YAP1: variants seen among roughly 807,000 people sequenced by gnomAD.
The protein encoded by YAP1 is Yes1 associated transcriptional regulator.
Under a neutral mutation model 56.9 loss-of-function variants are expected in YAP1, and 5 were observed. The ratio of observed to expected loss-of-function variants is 0.09; its 90% confidence interval spans 0.05 to 0.18. The LOEUF is 0.18. YAP1 is among the 10% of genes least tolerant of loss of function. The probability of loss-of-function intolerance (pLI) is 1.00; values close to 1 mark genes in which losing one functional copy is unlikely to be tolerated. For missense variants in YAP1, 539 were observed against 651.8 expected (o/e 0.83, Z 1.88); for synonymous variants, 265 against 248.1 (o/e 1.07, Z -0.64).
chr11:102,152,837 T>A (rs1323340044), intron 2 of YAP1, among the ~76,000 whole-genome samples: 1 of 152,204 alleles, frequency 6.6e-6, no homozygotes, highest in Non-Finnish European at 1.5e-5. Flanking sequence ...TTCTTGGAAA[T>A]ATATGTATTC....
At chr11:102,121,513 A>G (rs1271462937) in intron 2 of YAP1, among the ~76,000 whole-genome samples, 3 of 152,056 alleles carry the variant, frequency 2.0e-5, no homozygotes, top group African/African-American at 7.2e-5. Flanking sequence ...GCGTGATGCA[A>G]TCCTGCAATC....
chr11:102,156,099 A>T (rs1183458092), intron 2 of YAP1, among the ~76,000 whole-genome samples: 1 of 152,140 alleles, frequency 6.6e-6, no homozygotes, highest in Non-Finnish European at 1.5e-5. Context: ...TAATACTGCC[A>T]ATGTCTGTAA....
rs953778083 is a variant in YAP1 at position 102,110,502 on chromosome 11, A to G, written c.-347A>G. ...AGAAAGGGAGGAAGGAAGGAACAAG[A>G]AAAGGAAATAAAGAGAAAGGGGAGG... is the stretch of plus-strand genomic sequence containing the variant. On this transcript the variant is annotated 5_prime_UTR_variant, in exon 1 of 9. Coordinates refer to ENST00000282441, the MANE Select transcript of YAP1 (RefSeq NM_001130145.3). The G allele has an allele frequency of 6.1e-6, 1 of 163,638 alleles. No individual in the cohort carries two copies. Among genetic ancestry groups the G allele is most frequent in the Non-Finnish European group, 1.3e-5 (1 of 75,618 alleles). 10.1% of individuals were successfully genotyped at this position (163,638 alleles called of 1,614,324 possible).
intron 3 of YAP1, among the ~76,000 whole-genome samples, chr11:102,164,115 GC>G (rs1831101579): frequency 6.7e-6 from 1 of 150,312 alleles, no homozygotes; most frequent in Non-Finnish European, 1.5e-5. Flanking sequence ...TCAGCTCACT[GC>G]AACCTCTGCC....
intron 6 of YAP1, among the ~76,000 whole-genome samples, chr11:102,211,670 G>A (rs1949409567): frequency 6.6e-6 from 1 of 151,394 alleles, no homozygotes; most frequent in African/African-American, 2.4e-5. Flanking sequence ...TAAGGTAGAT[G>A]TCAGGAAATA....
At chr11:102,129,696 A>T (rs975179849) in intron 2 of YAP1, among the ~76,000 whole-genome samples, 1 of 151,502 alleles carries the variant, frequency 6.6e-6, no homozygotes, top group Non-Finnish European at 1.5e-5. Context: ...TTTTTATCTC[A>T]AGTTGAATTT....
At chr11:102,176,850 G>A (rs1483260204) in intron 3 of YAP1, among the ~76,000 whole-genome samples, 1 of 150,920 alleles carries the variant, frequency 6.6e-6, no homozygotes, top group Non-Finnish European at 1.5e-5. Context: ...TACTGAGAAT[G>A]TAGGGAGGTG....
intron 2 of YAP1, among the ~76,000 whole-genome samples, chr11:102,147,983 G>T (rs1945418404): frequency 6.6e-6 from 1 of 152,190 alleles, no homozygotes; most frequent in Non-Finnish European, 1.5e-5. Flanking sequence ...GGAGTATATT[G>T]TGGAAGTTAA....
chr11:102,129,618 C>CA lies in YAP1; in HGVS notation c.572+15246dup, dbSNP rs139054273. 2.8e-3 allele frequency among the ~76,000 whole-genome samples: 276 copies of CA among 100,168 alleles called. 2 individuals carry two copies. The highest frequency in any genetic ancestry group is 8.9e-3 in the African/African-American group (234 of 26,166). The allele number at this position is 100,168 out of a possible 152,430, so 65.7% of individuals were successfully genotyped here. A position where few individuals can be genotyped will look rare whatever the true frequency, so the allele number is the denominator to read the frequency against. On this transcript the variant is annotated intron_variant, in intron 2 of 8. Transcript: ENST00000282441. The stretch of plus-strand genomic sequence containing the variant: ...GGGCAACAGAGCGAGACTCTGTCTC[C>CA]AAAAAAAAAAAAAAAAAAAAAATTT...
At chr11:102,228,826 CTT>C (rs1269060494) in intron 8 of YAP1, among the ~76,000 whole-genome samples, 1 of 152,002 alleles carries the variant, frequency 6.6e-6, no homozygotes, top group South Asian at 2.1e-4. Flanking sequence ...GCTACCAACT[CTT>C]TCACTAACTG....
chr11:102,208,666 A>T (rs1356486237), intron 5 of YAP1, among the ~76,000 whole-genome samples: 3 of 152,128 alleles, frequency 2.0e-5, no homozygotes, highest in Non-Finnish European at 4.4e-5. Flanking sequence ...GTTTTATGTA[A>T]CCTATTTTCA....
rs1407975693 is a variant in YAP1, at chr11:102,184,093, AAAG to A, written c.689-1922_689-1920del. On this transcript the variant is annotated intron_variant, in intron 3 of 8. Coordinates refer to ENST00000282441, the MANE Select transcript of YAP1 (RefSeq NM_001130145.3). ...CTCCGTCTCAAAAAAAAAAAAAAAA[AAAG>A]AAAGCTACAATGAGATCTTGGGGTT... Among the ~76,000 whole-genome samples the A allele has an allele frequency of 4.0e-3, 300 of 74,134 alleles. 4 individuals carry two copies. Among genetic ancestry groups the A allele is most frequent in the Middle Eastern group, 7.0e-3 (1 of 142 alleles). The allele number at this position is 74,134 out of a possible 152,430, so 48.6% of individuals were successfully genotyped here. A position where few individuals can be genotyped will look rare whatever the true frequency, so the allele number is the denominator to read the frequency against.
chr11:102,205,815 C>T lies in YAP1; in HGVS notation c.803-78C>T, dbSNP rs1026052905. 6 of 1,377,876 alleles carry T rather than the reference C, an allele frequency of 4.4e-6. No individual in the cohort carries two copies. In the African/African-American group the frequency reaches 7.3e-5, roughly 17 times the overall value. The allele number at this position is 1,377,876 out of a possible 1,614,324, so 85.4% of individuals were successfully genotyped here. On this transcript the variant is annotated intron_variant, in intron 4 of 8. Transcript: ENST00000282441. ...AAGTTACATCGAATATCCCAAATTG[C>T]TTTTGAATAATTAAATCATCATTTT...
chr11:102,119,612 TC>T (rs1943526587), intron 2 of YAP1, among the ~76,000 whole-genome samples: 1 of 149,848 alleles, frequency 6.7e-6, no homozygotes, highest in African/African-American at 2.5e-5. Context: ...AACCCAAACA[TC>T]TAGATAGCAT....
intron 1 of YAP1, chr11:102,112,754 T>G: frequency 1.0e-6 from 1 of 985,384 alleles, no homozygotes; most frequent in Non-Finnish European, 1.2e-6. Flanking sequence ...AGGTATGCTT[T>G]TTTCTCTTAC....
intron 5 of YAP1, among the ~76,000 whole-genome samples, chr11:102,207,560 A>G (rs1949185338): frequency 6.6e-6 from 1 of 151,250 alleles, no homozygotes; most frequent in African/African-American, 2.4e-5. Flanking sequence ...TTCTGTTACC[A>G]GGAAGGAGGC....
chr11:102,141,353 T>C (rs1945012292), intron 2 of YAP1, among the ~76,000 whole-genome samples: 1 of 152,224 alleles, frequency 6.6e-6, no homozygotes, highest in Non-Finnish European at 1.5e-5. Context: ...TTACCTGTTT[T>C]GGTGTCTTTA....
At chr11:102,174,569 C>T (rs1013886632) in intron 3 of YAP1, among the ~76,000 whole-genome samples, 10 of 150,902 alleles carry the variant, frequency 6.6e-5, no homozygotes, top group South Asian at 2.1e-4. Context: ...GGTGACAGAG[C>T]GAGACTCCAT....
At chr11:102,175,003 G>A (rs1004360304) in intron 3 of YAP1, among the ~76,000 whole-genome samples, 2 of 152,176 alleles carry the variant, frequency 1.3e-5, no homozygotes, top group Non-Finnish European at 2.9e-5. Context: ...ATTCATCAGC[G>A]TGTTCTAGTA....
Sources: allele counts gnomAD v4.1 joint callset (sites outside exome capture counted in the v4.1 genomes callset), GRCh38; gene constraint gnomAD v4.1.1; transcripts MANE v1.5; gene names NCBI Gene and HGNC (gene_info 2026-07-23, HGNC 2026-07-21).